HPS3: variants seen among roughly 807,000 people sequenced by gnomAD.
HPS3 encodes the protein BLOC-2 complex member HPS3.
In HPS3, 79 loss-of-function variants were observed where a neutral mutation model predicts 110.9. That is an observed-to-expected ratio of 0.71 (90% CI 0.59 to 0.86). The LOEUF (loss-of-function observed/expected upper bound fraction) is 0.86, where lower values mean the gene tolerates loss of function less well. Among genes scored for constraint, HPS3 ranks in the 40% least tolerant of loss-of-function variants. The pLI, the probability that HPS3 is intolerant of heterozygous loss-of-function variation, is 0.00. For synonymous variants in HPS3, 428 were observed against 451.0 expected (o/e 0.95, Z 0.65); for missense variants, 1,197 against 1,206.2 (o/e 0.99, Z 0.11).
At chr3:149,166,439 A>G (rs1329691859) in intron 14 of HPS3, among the ~76,000 whole-genome samples, 1 of 152,220 alleles carries the variant, frequency 6.6e-6, no homozygotes, top group Non-Finnish European at 1.5e-5. Flanking sequence ...CTCTTCCGAC[A>G]GTATTTCTGT....
Position 149,138,711 on chromosome 3 carries a change from AG to A in HPS3, c.218-1292del, listed in dbSNP as rs1219075622. 6.6e-5 allele frequency among the ~76,000 whole-genome samples: 10 copies of A among 152,352 alleles called. No homozygotes were observed. In the South Asian group the frequency reaches 2.1e-3, roughly 32 times the overall value. On this transcript the variant is annotated intron_variant, in intron 1 of 16. Transcript: ENST00000296051. ...AGTAGAGAGCTACAGTGTCATGATA[AG>A]AAAAACAAATGAACAACTTAATAAA...
chr3:149,158,110 C>G (rs1221721073), intron 9 of HPS3, among the ~76,000 whole-genome samples: 1 of 152,136 alleles, frequency 6.6e-6, no homozygotes, highest in African/African-American at 2.4e-5. Context: ...TCTCAGTAGT[C>G]AGTGCTTTTA....
chr3:149,171,615 G>A (rs1724995643), intron 16 of HPS3, among the ~76,000 whole-genome samples: 1 of 150,924 alleles, frequency 6.6e-6, no homozygotes, highest in Admixed American at 6.6e-5. Flanking sequence ...GGAAAAATAA[G>A]TTACAACCAT....
At chr3:149,163,440 A>T (rs1159687352) in intron 13 of HPS3, among the ~76,000 whole-genome samples, 2 of 152,166 alleles carry the variant, frequency 1.3e-5, no homozygotes, top group Non-Finnish European at 2.9e-5. Context: ...GGTTAAGTGG[A>T]GAAGTTACCA....
intron 7 of HPS3, among the ~76,000 whole-genome samples, chr3:149,154,335 G>T (rs989902749): frequency 6.6e-6 from 1 of 152,112 alleles, no homozygotes; most frequent in African/African-American, 2.4e-5. Context: ...ATCAAACATG[G>T]GTTATTTTTA....
At chr3:149,143,203 A>G (rs1247387579) in intron 4 of HPS3, among the ~76,000 whole-genome samples, 2 of 152,188 alleles carry the variant, frequency 1.3e-5, no homozygotes, top group Admixed American at 1.3e-4. Flanking sequence ...CTCTAAGCCC[A>G]TCGTGTCCCA....
In HPS3 at chr3:149,139,025, C is replaced by T. The variant is rs1321397355; in HGVS notation, c.218-979C>T. Among the ~76,000 whole-genome samples the T allele has an allele frequency of 2.0e-5, 3 of 152,104 alleles. No homozygotes were observed. The East Asian group carries it at 5.8e-4, about 29-fold the overall frequency. ...CATATCTCACTTTTGGGAATCTGTACCGTTAAAATAAATCCCCCAGTAAAT... is the reference window on the plus strand; with the variant it reads ...CATATCTCACTTTTGGGAATCTGTATCGTTAAAATAAATCCCCCAGTAAAT... On this transcript the variant is annotated intron_variant, in intron 1 of 16. Transcript: ENST00000296051.
intron 6 of HPS3, among the ~76,000 whole-genome samples, chr3:149,151,502 A>G (rs1334996304): frequency 2.0e-5 from 3 of 148,260 alleles, no homozygotes. Context: ...TAAGCCTTTG[A>G]TAACCTTCTA....
intron 8 of HPS3, among the ~76,000 whole-genome samples, chr3:149,156,427 G>A (rs1723460144): frequency 6.6e-6 from 1 of 152,200 alleles, no homozygotes; most frequent in Non-Finnish European, 1.5e-5. Flanking sequence ...GGATCAGGTA[G>A]TGTGTTTAAC....
chr3:149,133,385 C>T (rs1361301901), intron 1 of HPS3, among the ~76,000 whole-genome samples: 2 of 152,014 alleles, frequency 1.3e-5, no homozygotes, highest in Non-Finnish European at 2.9e-5. Flanking sequence ...CCACAACCTC[C>T]ACCTCCCAGG....
chr3:149,169,542 G>A (rs771038012), intron 16 of HPS3, among the ~76,000 whole-genome samples: 4 of 152,292 alleles, frequency 2.6e-5, no homozygotes, highest in East Asian at 3.9e-4. Context: ...GTCCGTGTGC[G>A]TGGGGGTTTC....
chr3:149,156,496 T>C (rs1218371132), intron 8 of HPS3, among the ~76,000 whole-genome samples: 1 of 152,186 alleles, frequency 6.6e-6, no homozygotes, highest in African/African-American at 2.4e-5. Flanking sequence ...TTCATTATGT[T>C]TTATGACATG....
At position 149,172,251 on chromosome 3, in the gene HPS3, C is replaced by T. The variant is rs909563560; in HGVS notation, c.*29C>T. ...TATCATTTGAAAAATACCATAATGG[C>T]ATTTGAGACTGAATTTCTAAAAATT... On this transcript the variant is annotated 3_prime_UTR_variant, in exon 17 of 17. Transcript: ENST00000296051. 1.9e-6 allele frequency: 3 copies of T among 1,592,446 alleles called. No homozygotes were observed. Among genetic ancestry groups the T allele is most frequent in the African/African-American group, 2.7e-5 (2 of 73,976 alleles).
intron 15 of HPS3, 132 bp from the exon 16 acceptor site, chr3:149,167,761 A>G (rs1258894699): frequency 2.9e-6 from 2 of 697,472 alleles, no homozygotes; most frequent in East Asian, 5.4e-5. Flanking sequence ...CTTATGTTAT[A>G]ACAAAGTTAG....
chr3:149,132,003 A>G (rs1240365111), intron 1 of HPS3, among the ~76,000 whole-genome samples: 1 of 152,216 alleles, frequency 6.6e-6, no homozygotes, highest in Non-Finnish European at 1.5e-5. Context: ...GAATGCTGAG[A>G]GAGGTGAGGA....
rs1334407162 is a variant in HPS3, at chr3:149,129,862, G to A, written c.139G>A (p.Ala47Thr). The A allele has an allele frequency of 6.3e-7, 1 of 1,598,632 alleles. No individual in the cohort carries two copies. Among genetic ancestry groups the A allele is most frequent in the South Asian group, 1.1e-5 (1 of 90,218 alleles). ...CTGCAAGGTGGAGGCGTTCGCGGTG[G>A]CCGGCCAGGAGCTGTGCCAGCCGCG... is the stretch of plus-strand genomic sequence containing the variant. ...AGCKVEAFAV[A>T]GQELCQPRCA... Residue 47 changes from alanine (A) to threonine (T), a missense_variant, in exon 1 of 17, where the codon GCC (alanine) becomes ACC (threonine). Coordinates refer to ENST00000296051, the MANE Select transcript of HPS3 (RefSeq NM_032383.5).
chr3:149,154,868 CAG>C (rs1723342657), intron 7 of HPS3, among the ~76,000 whole-genome samples: 1 of 152,162 alleles, frequency 6.6e-6, no homozygotes, highest in Non-Finnish European at 1.5e-5. Context: ...AGAATACTTG[CAG>C]AGTGAATTGG....
intron 5 of HPS3, among the ~76,000 whole-genome samples, chr3:149,145,803 G>A (rs1157412456): frequency 6.6e-6 from 1 of 152,172 alleles, no homozygotes; most frequent in Non-Finnish European, 1.5e-5. Context: ...CTTCATAAAG[G>A]AAGACTTTCA....
intron 5 of HPS3, 22 bp downstream of exon 5, chr3:149,145,568 C>G (rs533475678): frequency 1.3e-6 from 2 of 1,595,682 alleles, no homozygotes; most frequent in South Asian, 2.2e-5. Flanking sequence ...GGGTCACTTG[C>G]TGGCCTGTGA....
Sources: allele counts gnomAD v4.1 joint callset (sites outside exome capture counted in the v4.1 genomes callset), GRCh38; gene constraint gnomAD v4.1.1; transcripts MANE v1.5; gene names NCBI Gene and HGNC (gene_info 2026-07-23, HGNC 2026-07-21).